PPARGC1A: variants seen among roughly 807,000 people sequenced by gnomAD.
PPARGC1A encodes the protein peroxisome proliferator-activated receptor gamma coactivator 1-alpha.
PPARGC1A carries 25 observed loss-of-function variants against 88.7 expected under a neutral mutation model. That is an observed-to-expected ratio of 0.28 (90% CI 0.21 to 0.39). The LOEUF is 0.39. Ranked by LOEUF, PPARGC1A falls within the 10% of genes least tolerant of loss-of-function variation. The pLI is 1.00. For synonymous variants in PPARGC1A, 363 were observed against 355.6 expected (o/e 1.02, Z -0.24); for missense variants, 880 against 968.7 (o/e 0.91, Z 1.22).
At chr4:24,394,544 A>G in the PPARGC1A span, among the ~76,000 whole-genome samples, 1 of 152,222 alleles carries the variant, frequency 6.6e-6, no homozygotes. Flanking sequence ...AAGAAAAGCT[A>G]AGAGATCAGC....
chr4:24,218,306 T>C, the PPARGC1A span, among the ~76,000 whole-genome samples: 1 of 152,212 alleles, frequency 6.6e-6, no homozygotes, highest in Non-Finnish European at 1.5e-5. Flanking sequence ...GCAAGACTCT[T>C]ACCAAGCCTG....
rs1726575967 is a variant in PPARGC1A, at chr4:23,839,125, C to T, written c.235-7374G>A. Among the ~76,000 whole-genome samples the T allele has an allele frequency of 2.0e-5, 3 of 152,114 alleles. 1 individual carries two copies. The South Asian group carries it at 6.2e-4, about 31-fold the overall frequency. ...TATTCCTATTTAAACAGGCATAAAA[C>T]ATATATTCACATCTGTACTTAGACT... On this transcript the variant is annotated intron_variant, in intron 2 of 12. Transcript: ENST00000264867.
At chr4:24,030,233 G>C in the PPARGC1A span, among the ~76,000 whole-genome samples, 3 of 152,134 alleles carry the variant, frequency 2.0e-5, no homozygotes. Flanking sequence ...TTTCAACGAG[G>C]GTTGCAGGTG....
the PPARGC1A span, among the ~76,000 whole-genome samples, chr4:24,008,062 C>T: frequency 4.6e-5 from 7 of 152,230 alleles, no homozygotes; most frequent in South Asian, 1.2e-3. Flanking sequence ...GAGAGAGAAC[C>T]GTGAACAAAG....
chr4:24,340,401 G>C, the PPARGC1A span, among the ~76,000 whole-genome samples: 1 of 152,182 alleles, frequency 6.6e-6, no homozygotes, highest in Admixed American at 6.5e-5. Flanking sequence ...AAGATTTGCA[G>C]TGCCTTAGAT....
chr4:24,294,373 G>A, the PPARGC1A span, among the ~76,000 whole-genome samples: 6 of 152,068 alleles, frequency 3.9e-5, no homozygotes, highest in East Asian at 1.9e-4. Context: ...CAGTTCCTCC[G>A]TGGAAGGCTT....
At chr4:24,248,822 A>G in the PPARGC1A span, among the ~76,000 whole-genome samples, 3 of 152,178 alleles carry the variant, frequency 2.0e-5, no homozygotes, top group Non-Finnish European at 4.4e-5. Flanking sequence ...GGGGGTTATA[A>G]CATGTGCAGG....
the PPARGC1A span, among the ~76,000 whole-genome samples, chr4:24,013,384 C>T: frequency 6.6e-6 from 1 of 152,096 alleles, no homozygotes; most frequent in Admixed American, 6.6e-5. Context: ...AATATCACTT[C>T]CCAAGTGCCC....
chr4:24,334,574 C>G, the PPARGC1A span, among the ~76,000 whole-genome samples: 1 of 152,200 alleles, frequency 6.6e-6, no homozygotes, highest in African/African-American at 2.4e-5. Context: ...ACAGTCTTGG[C>G]AAAGTACTCC....
At chr4:24,227,003 G>A in the PPARGC1A span, among the ~76,000 whole-genome samples, 2 of 152,156 alleles carry the variant, frequency 1.3e-5, no homozygotes, top group African/African-American at 4.8e-5. Context: ...GTGCACAGTA[G>A]TGGAACATGA....
chr4:23,830,275 C>T (rs559473446), intron 3 of PPARGC1A, among the ~76,000 whole-genome samples: 72 of 152,298 alleles, frequency 4.7e-4, no homozygotes, highest in African/African-American at 1.7e-3. Flanking sequence ...GAGTCCTGGC[C>T]TGTGGATCAG....
the PPARGC1A span, among the ~76,000 whole-genome samples, chr4:24,219,827 A>T: frequency 6.6e-6 from 1 of 152,092 alleles, no homozygotes; most frequent in African/African-American, 2.4e-5. Context: ...CCACCTGCCC[A>T]TCCGTCCTGT....
At chr4:23,826,564 C>A (rs1332441872) in intron 5 of PPARGC1A, among the ~76,000 whole-genome samples, 1 of 152,046 alleles carries the variant, frequency 6.6e-6, no homozygotes, top group African/African-American at 2.4e-5. Context: ...TAATTTCAAT[C>A]GATCCTCCTA....
the PPARGC1A span, among the ~76,000 whole-genome samples, chr4:23,917,699 G>A: frequency 6.6e-6 from 1 of 152,144 alleles, no homozygotes; most frequent in Non-Finnish European, 1.5e-5. Context: ...ATTTGTGGGT[G>A]AGCAGTTGAA....
At chr4:23,985,932 T>C in the PPARGC1A span, among the ~76,000 whole-genome samples, 126,212 of 151,886 alleles carry the variant, frequency 0.83, 52,554 homozygotes, top group Non-Finnish European at 0.84. Flanking sequence ...CCTGTCCCTC[T>C]AGCCTTAGTT....
the PPARGC1A span, among the ~76,000 whole-genome samples, chr4:24,217,159 T>C: frequency 1.3e-5 from 2 of 152,174 alleles, no homozygotes; most frequent in Non-Finnish European, 1.5e-5. Context: ...TTAGGTATTT[T>C]CTCCCAGCAA....
the PPARGC1A span, among the ~76,000 whole-genome samples, chr4:24,147,542 C>G: frequency 6.6e-6 from 1 of 152,132 alleles, no homozygotes; most frequent in Admixed American, 6.6e-5. Context: ...GACAGGTCTG[C>G]CCATCCCTAT....
At chr4:24,119,362 A>G in the PPARGC1A span, among the ~76,000 whole-genome samples, 2 of 152,200 alleles carry the variant, frequency 1.3e-5, no homozygotes, top group Non-Finnish European at 2.9e-5. Flanking sequence ...CTGTTTCACC[A>G]GACCTGAAAG....
chr4:24,323,424 G>T, the PPARGC1A span, among the ~76,000 whole-genome samples: 3 of 152,140 alleles, frequency 2.0e-5, no homozygotes, highest in Non-Finnish European at 4.4e-5. Flanking sequence ...TTCCACCATT[G>T]TGATTTGTTC....
Sources: gnomAD v4.1 joint callset for allele counts (sites outside exome capture counted in the v4.1 genomes callset) on GRCh38, gnomAD v4.1.1 for gene constraint, MANE v1.5 for transcripts, NCBI Gene and HGNC (gene_info 2026-07-23, HGNC 2026-07-21) for gene names.